Variants in NELL2 observed in about 807,000 individuals in gnomAD.
NELL2 encodes the protein protein kinase C-binding protein NELL2.
NELL2 carries 41 observed loss-of-function variants against 109.6 expected under a neutral mutation model. The ratio of observed to expected loss-of-function variants is 0.37; its 90% CI spans 0.29 to 0.49. The LOEUF (loss-of-function observed/expected upper bound fraction) is 0.49, where lower values mean the gene tolerates loss of function less well. Ranked by LOEUF, NELL2 falls within the 20% of genes least tolerant of loss-of-function variation. NELL2 has a pLI of 0.98. For synonymous variants in NELL2, 355 were observed against 344.7 expected (o/e 1.03, Z -0.33); for missense variants, 900 against 1,008.3 (o/e 0.89, Z 1.45).
At chr12:44,576,116 A>G (rs1944072386) in intron 15 of NELL2, among the ~76,000 whole-genome samples, 2 of 151,952 alleles carry the variant, frequency 1.3e-5, no homozygotes, top group African/African-American at 4.8e-5. Flanking sequence ...CCTCTACTTC[A>G]CCAACAAATC....
At chr12:44,631,531 T>G (rs1391923637) in intron 13 of NELL2, among the ~76,000 whole-genome samples, 1 of 152,000 alleles carries the variant, frequency 6.6e-6, no homozygotes, top group Non-Finnish European at 1.5e-5. Context: ...TGGGGTCTAC[T>G]AGGGTGGGGA....
At position 44,714,712 on chromosome 12, in the gene NELL2, A is replaced by T. The variant is rs150596596; in HGVS notation, c.1024T>A (p.Phe342Ile). The T allele has an allele frequency of 6.9e-6, 11 of 1,603,370 alleles. No homozygotes were observed. Among genetic ancestry groups the T allele is most frequent in the Non-Finnish European group, 8.5e-6 (10 of 1,175,786 alleles). ...TAGACTGTATTTCTTTCTCCTTCAA[A>T]GTAGGTTCGTCCTTGAAATTGGCAT... ...SICQFQGRTYFEGERNTVYSS... is the reference protein window; with the variant it reads ...SICQFQGRTYIEGERNTVYSS... Residue 342 changes from phenylalanine to isoleucine, a missense_variant, in exon 10 of 20, where the codon TTT becomes ATT. By Grantham distance (21) the Phe-to-Ile change is conservative. Transcript: ENST00000429094.
chr12:44,749,344 T>C (rs930409590), intron 9 of NELL2, among the ~76,000 whole-genome samples: 8 of 152,174 alleles, frequency 5.3e-5, no homozygotes, highest in African/African-American at 1.9e-4. Context: ...AGTATACTTC[T>C]ATGTGTAAGA....
At chr12:44,523,556 G>T in intron 16 of NELL2, 72 bp from the exon 17 acceptor site, 3 of 1,313,576 alleles carry the variant, frequency 2.3e-6, no homozygotes, top group Non-Finnish European at 3.2e-6. Flanking sequence ...AATCAGGCCA[G>T]TTGTCTCCTG....
At chr12:44,593,450 A>G (rs1944833146) in intron 15 of NELL2, among the ~76,000 whole-genome samples, 2 of 152,320 alleles carry the variant, frequency 1.3e-5, no homozygotes, top group East Asian at 1.9e-4. Flanking sequence ...GGGACTTTAC[A>G]TTTACATGGT....
At chr12:44,814,455 C>T (rs573895969) in intron 3 of NELL2, among the ~76,000 whole-genome samples, 2 of 152,166 alleles carry the variant, frequency 1.3e-5, no homozygotes, top group Non-Finnish European at 2.9e-5. Context: ...GGCAGAGACA[C>T]ACTGCTATAA....
intron 9 of NELL2, among the ~76,000 whole-genome samples, chr12:44,728,709 A>G (rs1002605871): frequency 6.6e-6 from 1 of 152,180 alleles, no homozygotes; most frequent in Admixed American, 6.5e-5. Context: ...AGTCAAAGAC[A>G]AAGAGCATTT....
intron 13 of NELL2, among the ~76,000 whole-genome samples, chr12:44,644,528 C>A (rs185243942): frequency 6.8e-6 from 1 of 146,488 alleles, no homozygotes; most frequent in Non-Finnish European, 1.5e-5. Flanking sequence ...GACTGTCAAT[C>A]TTCTGAAGGA....
chr12:44,623,225 C>T (rs1000729606), intron 13 of NELL2, among the ~76,000 whole-genome samples: 6 of 151,906 alleles, frequency 3.9e-5, no homozygotes, highest in African/African-American at 1.5e-4. Context: ...TTTATGTGTG[C>T]ATATATGTGG....
intron 2 of NELL2, among the ~76,000 whole-genome samples, chr12:44,850,695 G>A (rs111287242): frequency 1.8e-4 from 28 of 152,224 alleles, no homozygotes; most frequent in African/African-American, 6.0e-4. Flanking sequence ...CAGAGTCATT[G>A]CAAAATCTGC....
At chr12:44,788,020 T>C (rs558348001) in intron 3 of NELL2, among the ~76,000 whole-genome samples, 16 of 152,244 alleles carry the variant, frequency 1.1e-4, no homozygotes, top group African/African-American at 3.9e-4. Context: ...TGAAAAGACA[T>C]GCTACAGTTT....
At chr12:44,579,215 T>C (rs1003421998) in intron 15 of NELL2, among the ~76,000 whole-genome samples, 3 of 152,190 alleles carry the variant, frequency 2.0e-5, no homozygotes, top group South Asian at 4.1e-4. Flanking sequence ...TTCAAACACA[T>C]GGGCAACCAA....
At chr12:44,544,339 A>C (rs1942704096) in intron 15 of NELL2, among the ~76,000 whole-genome samples, 1 of 152,166 alleles carries the variant, frequency 6.6e-6, no homozygotes, top group African/African-American at 2.4e-5. Flanking sequence ...ATATTGAAAT[A>C]ATTAAGTTAT....
chr12:44,875,817 G>A lies in NELL2; in HGVS notation c.53C>T (p.Ala18Val), dbSNP rs1235474835. ...RTFCLIFGLG[A>V]VWGLGVDPSL... The stretch of plus-strand genomic sequence containing the variant: ...GCCCCAGCTCTGCGGCCACTCACCT[G>A]CTCCGAGACCGAAGATCAAACAGAA... Residue 18 changes from alanine (A) to valine (V), a missense_variant and splice_region_variant, in exon 1 of 20, where the codon GCA becomes GTA. Physicochemically the swap from Ala to Val is moderately conservative, Grantham distance 64. Around this residue, in one of 4 missense-constraint regions of NELL2, gnomAD observed 200 missense variants for 191.8 expected, o/e 1.04. Transcript: ENST00000429094. The A allele has an allele frequency of 6.2e-7, 1 of 1,613,582 alleles. No individual in the cohort carries two copies.
At chr12:44,556,221 T>A (rs970509350) in intron 15 of NELL2, among the ~76,000 whole-genome samples, 1 of 152,094 alleles carries the variant, frequency 6.6e-6, no homozygotes, top group African/African-American at 2.4e-5. Flanking sequence ...ATTATTAGAG[T>A]CTAATAAGTT....
chr12:44,867,429 T>C (rs1334292182), intron 2 of NELL2, among the ~76,000 whole-genome samples: 2 of 152,166 alleles, frequency 1.3e-5, no homozygotes, highest in African/African-American at 2.4e-5. Context: ...AAATTCAACA[T>C]CATTTCATGA....
intron 9 of NELL2, among the ~76,000 whole-genome samples, chr12:44,745,481 T>C (rs940046535): frequency 1.3e-5 from 2 of 151,998 alleles, no homozygotes; most frequent in Non-Finnish European, 1.5e-5. Context: ...AAATAAAGGG[T>C]ATTCAATTAG....
intron 15 of NELL2, among the ~76,000 whole-genome samples, chr12:44,555,232 T>C (rs529461242): frequency 6.6e-6 from 1 of 152,296 alleles, no homozygotes; most frequent in South Asian, 2.1e-4. Flanking sequence ...TTGTGAGGGC[T>C]GGAAGGTCAG....
At chr12:44,606,947 C>T (rs770599278) in intron 15 of NELL2, among the ~76,000 whole-genome samples, 3 of 152,012 alleles carry the variant, frequency 2.0e-5, no homozygotes, top group South Asian at 2.1e-4. Context: ...GTTCAATATG[C>T]GTCTAGTTAT....
Sources: gnomAD v4.1 joint callset for allele counts (sites outside exome capture counted in the v4.1 genomes callset) on GRCh38, gnomAD v4.1.1 for gene constraint, gnomAD v4.1.1 regional missense constraint, MANE v1.5 for transcripts, NCBI Gene and HGNC (gene_info 2026-07-23, HGNC 2026-07-21) for gene names.